NGLY1: variants seen among roughly 807,000 people sequenced by gnomAD.
The protein encoded by NGLY1 is peptide-N(4)-(N-acetyl-beta-glucosaminyl)asparagine amidase.
A neutral mutation model predicts 84.6 loss-of-function variants in NGLY1; 68 were observed. The observed-to-expected ratio is 0.80, with a 90% confidence interval of 0.66 to 0.98. The LOEUF (loss-of-function observed/expected upper bound fraction) is 0.98. Among genes scored for constraint, NGLY1 ranks in the 50% least tolerant of loss-of-function variants. The pLI, the probability that NGLY1 is intolerant of heterozygous loss-of-function variation, is 0.00. For missense variants in NGLY1, 779 were observed against 770.2 expected (o/e 1.01, Z -0.14); for synonymous variants, 280 against 275.2 (o/e 1.02, Z -0.17).
intron 4 of NGLY1, chr3:25,749,644 G>C: frequency 6.7e-7 from 1 of 1,481,794 alleles, no homozygotes. Context: ...TCAAGAGCCA[G>C]ATCTTGATGC....
At chr3:25,781,652 G>A (rs1381182111) in intron 1 of NGLY1, among the ~76,000 whole-genome samples, 1 of 152,096 alleles carries the variant, frequency 6.6e-6, no homozygotes, top group Non-Finnish European at 1.5e-5. Context: ...AGTCAAGATC[G>A]CGCCACTGCA....
At chr3:25,764,447 A>G in intron 2 of NGLY1, 136 bp from the exon 3 acceptor site, 1 of 978,456 alleles carries the variant, frequency 1.0e-6, no homozygotes. Flanking sequence ...TTTTCTTACC[A>G]TTATGGTTCT....
Position 25,783,219 on chromosome 3 carries a change from A to AC in NGLY1, c.131+40dup. 8.1e-7 allele frequency: 1 copy of AC among 1,228,002 alleles called. No individual in the cohort carries two copies. The highest frequency in any genetic ancestry group is 1.2e-6 in the Non-Finnish European group (1 of 859,658). 76.1% of individuals were successfully genotyped at this position (1,228,002 alleles called of 1,614,324 possible). On this transcript the variant is annotated intron_variant, in intron 1 of 11. Coordinates refer to ENST00000280700, the MANE Select transcript of NGLY1 (RefSeq NM_018297.4). This position sits in a 1 kb window ranked among gnomAD's most constrained non-coding sequence, Gnocchi z 4.5. ...CTGGCCGAACAAGGTGCCGCGGCCC[A>AC]CCCACCCCGGTACCCGCCGTCCGAC...
At chr3:25,736,538 T>C (rs1244746662) in intron 6 of NGLY1, 3 of 607,516 alleles carry the variant, frequency 4.9e-6, no homozygotes, top group Admixed American at 3.2e-5. Flanking sequence ...GGAAGTCTAA[T>C]AGAATCTCTG....
At chr3:25,772,354 C>A (rs1319819960) in intron 2 of NGLY1, among the ~76,000 whole-genome samples, 1 of 152,120 alleles carries the variant, frequency 6.6e-6, no homozygotes, top group Non-Finnish European at 1.5e-5. Flanking sequence ...ATATTTAGGA[C>A]TGTAATGTTT....
chr3:25,772,405 C>T (rs889641394), intron 2 of NGLY1, among the ~76,000 whole-genome samples: 7 of 152,094 alleles, frequency 4.6e-5, no homozygotes, highest in Admixed American at 4.6e-4. Context: ...TAATGCCCCC[C>T]TTTGTCTTTT....
chr3:25,770,836 C>T (rs1293597322), intron 2 of NGLY1, among the ~76,000 whole-genome samples: 1 of 152,092 alleles, frequency 6.6e-6, no homozygotes, highest in African/African-American at 2.4e-5. Flanking sequence ...TGTTTATTGG[C>T]CATTTGTATA....
At position 25,779,450 on chromosome 3, in the gene NGLY1, G is replaced by T. The variant is rs150580229; in HGVS notation, c.132-762C>A. On this transcript the variant is annotated intron_variant, in intron 1 of 11. Transcript: ENST00000280700. ...GCTAATCATAGTATTATATTCAAAA[G>T]ACCCTCAGAACATAGTTTAGGATGA... Among the ~76,000 whole-genome samples, 54 of 152,246 alleles carry T rather than the reference G, an allele frequency of 3.5e-4. No homozygotes were observed. In the East Asian group the frequency reaches 7.1e-3, roughly 20 times the overall value.
At chr3:25,782,077 A>G (rs1452503326) in intron 1 of NGLY1, among the ~76,000 whole-genome samples, 1 of 152,238 alleles carries the variant, frequency 6.6e-6, no homozygotes, top group African/African-American at 2.4e-5. Flanking sequence ...ACAATTATGT[A>G]GCTGTGAACA....
chr3:25,770,658 G>C (rs1707846900), intron 2 of NGLY1, among the ~76,000 whole-genome samples: 1 of 152,100 alleles, frequency 6.6e-6, no homozygotes, highest in South Asian at 2.1e-4. Flanking sequence ...GTTTTCCATA[G>C]GGGTCATACT....
At chr3:25,753,385 T>C (rs1706858052) in intron 3 of NGLY1, among the ~76,000 whole-genome samples, 1 of 149,868 alleles carries the variant, frequency 6.7e-6, no homozygotes, top group Non-Finnish European at 1.5e-5. Context: ...TCAAATCCTA[T>C]CTAAAAGAAT....
intron 2 of NGLY1, among the ~76,000 whole-genome samples, chr3:25,778,081 T>A (rs980812284): frequency 6.6e-6 from 1 of 152,172 alleles, no homozygotes; most frequent in Non-Finnish European, 1.5e-5. Flanking sequence ...CACCACAAGA[T>A]TCCAAAAGAT....
intron 1 of NGLY1, among the ~76,000 whole-genome samples, chr3:25,778,976 C>T (rs1575666840): frequency 8.1e-6 from 1 of 122,746 alleles, no homozygotes; most frequent in Admixed American, 9.6e-5. Flanking sequence ...TGCTCTGTTT[C>T]CCAAGCTGGA....
intron 2 of NGLY1, among the ~76,000 whole-genome samples, chr3:25,771,737 G>T (rs976937707): frequency 6.6e-6 from 1 of 151,932 alleles, no homozygotes; most frequent in Non-Finnish European, 1.5e-5. Context: ...CCTTATAGAG[G>T]TCTTTCATGT....
chr3:25,785,822 C>A (rs1393833929), upstream of NGLY1, among the ~76,000 whole-genome samples: 1 of 152,184 alleles, frequency 6.6e-6, no homozygotes, highest in Admixed American at 6.5e-5. Context: ...TCATAGGGTA[C>A]TTTTGTGGGG....
chr3:25,743,143 G>A (rs909599367), intron 4 of NGLY1, among the ~76,000 whole-genome samples: 7 of 152,134 alleles, frequency 4.6e-5, no homozygotes, highest in Admixed American at 3.3e-4. Context: ...GCTGGAAGAG[G>A]CAAAGAACAG....
intron 9 of NGLY1, 143 bp from the exon 10 acceptor site, chr3:25,729,461 T>C (rs917060805): frequency 8.0e-5 from 34 of 424,856 alleles, no homozygotes; most frequent in Non-Finnish European, 1.2e-4. Flanking sequence ...GGAAATTATT[T>C]TATAAATTAA....
chr3:25,732,541 T>G (rs1575615010), intron 8 of NGLY1, 58 bp from the exon 9 acceptor site: 3 of 1,334,156 alleles, frequency 2.2e-6, no homozygotes, highest in Non-Finnish European at 3.1e-6. Flanking sequence ...TAGGTCCATC[T>G]CTAAGCAAGA....
chr3:25,771,248 C>T (rs1248462542), intron 2 of NGLY1, among the ~76,000 whole-genome samples: 1 of 152,198 alleles, frequency 6.6e-6, no homozygotes, highest in East Asian at 1.9e-4. Flanking sequence ...GATCCAGTTT[C>T]AATCTTCTAC....
Sources: gnomAD v4.1 joint callset for allele counts (sites outside exome capture counted in the v4.1 genomes callset) on GRCh38, gnomAD v4.1.1 for gene constraint, Gnocchi (gnomAD v3.1) non-coding constraint, MANE v1.5 for transcripts, NCBI Gene and HGNC (gene_info 2026-07-23, HGNC 2026-07-21) for gene names.